Variants in DCHS2 observed in about 807,000 individuals in gnomAD.
DCHS2 encodes the protein dachsous cadherin-related 2.
In DCHS2, 142 loss-of-function variants were observed where a neutral mutation model predicts 182.4. The ratio of observed to expected loss-of-function variants is 0.78; its 90% CI spans 0.68 to 0.89. The LOEUF is 0.89. Ranked by LOEUF, DCHS2 falls within the 40% of genes least tolerant of loss-of-function variation. The pLI is 0.00. For missense variants in DCHS2, 4,319 were observed against 4,198.6 expected, an observed-to-expected ratio of 1.03 and a Z score of -0.79; for synonymous variants, 1,740 against 1,663.3, an observed-to-expected ratio of 1.05 and a Z score of -1.12.
At chr4:154,468,252 C>A (rs1001096747) in intron 1 of DCHS2, among the ~76,000 whole-genome samples, 1 of 152,060 alleles carries the variant, frequency 6.6e-6, no homozygotes, top group African/African-American at 2.4e-5. Context: ...CATCTAGATA[C>A]AAATCATAAA....
rs965652113 is a variant in DCHS2 at position 154,232,624 on chromosome 4, T to G, written c.*1912A>C. ...CTATTGTGAAAAGAAAACTTCCATATATAATTAGGAAAATATAGTATAGGG... is the reference window on the plus strand; with the variant it reads ...CTATTGTGAAAAGAAAACTTCCATAGATAATTAGGAAAATATAGTATAGGG... On this transcript the variant is annotated 3_prime_UTR_variant, in exon 20 of 20. Coordinates refer to ENST00000357232, the MANE Select transcript of DCHS2 (RefSeq NM_001358235.2). 14 of 152,136 alleles carry G rather than the reference T, an allele frequency of 9.2e-5. No individual in the cohort carries two copies. Among genetic ancestry groups the G allele is most frequent in the Admixed American group, 8.5e-4 (13 of 15,264 alleles). The allele number at this position is 152,136 out of a possible 1,614,324, so 9.4% of individuals were successfully genotyped here. A position where few individuals can be genotyped will look rare whatever the true frequency, so the allele number is the denominator to read the frequency against.
intron 12 of DCHS2, among the ~76,000 whole-genome samples, chr4:154,300,141 A>G (rs1329935344): frequency 6.6e-6 from 1 of 152,142 alleles, no homozygotes; most frequent in Non-Finnish European, 1.5e-5. Flanking sequence ...TTTGGGTGTG[A>G]CTAGTACACA....
chr4:154,327,550 C>T (rs1248405299), intron 7 of DCHS2, among the ~76,000 whole-genome samples: 1 of 152,082 alleles, frequency 6.6e-6, no homozygotes, highest in Non-Finnish European at 1.5e-5. Context: ...TTATATAAAA[C>T]ACAATGCCAA....
At position 154,402,016 on chromosome 4, in the gene DCHS2, C is replaced by G. The variant is rs921602734; in HGVS notation, c.2053-24572G>C. On this transcript the variant is annotated intron_variant, in intron 1 of 19. Coordinates refer to ENST00000357232, the MANE Select transcript of DCHS2 (RefSeq NM_001358235.2). ...CAATGGTATTCTGCTGTGTTGTCTT[C>G]TAGAAGCTTTGAAGAAACTTTTAAT... 5.3e-5 allele frequency among the ~76,000 whole-genome samples: 8 copies of G among 152,262 alleles called. No individual in the cohort carries two copies. In the South Asian group the frequency reaches 1.7e-3, roughly 32 times the overall value.
intron 3 of DCHS2, among the ~76,000 whole-genome samples, chr4:154,355,011 A>G (rs1339441889): frequency 1.3e-5 from 2 of 152,132 alleles, no homozygotes; most frequent in African/African-American, 2.4e-5. Context: ...CCTAGTTATT[A>G]TCAGTGATGA....
chr4:154,410,043 G>A (rs567409972), intron 1 of DCHS2, among the ~76,000 whole-genome samples: 13 of 152,174 alleles, frequency 8.5e-5, no homozygotes, highest in East Asian at 3.9e-4. Context: ...AAGCCACTCC[G>A]TAAAGTTTGG....
intron 13 of DCHS2, among the ~76,000 whole-genome samples, chr4:154,273,214 C>T (rs1032105571): frequency 6.6e-5 from 10 of 152,068 alleles, no homozygotes; most frequent in East Asian, 1.9e-4. Flanking sequence ...TATCAATCAT[C>T]GAGTAGATTA....
At chr4:154,314,528 A>G (rs1735781463) in intron 10 of DCHS2, among the ~76,000 whole-genome samples, 1 of 152,184 alleles carries the variant, frequency 6.6e-6, no homozygotes, top group South Asian at 2.1e-4. Context: ...GTAACATCAC[A>G]TACAAATTCA....
intron 1 of DCHS2, among the ~76,000 whole-genome samples, chr4:154,475,292 G>A (rs976589345): frequency 1.3e-5 from 2 of 152,092 alleles, no homozygotes; most frequent in African/African-American, 2.4e-5. Flanking sequence ...ATTTCAGAGT[G>A]GCTCTGGATC....
At chr4:154,417,236 A>G (rs867989340) in intron 1 of DCHS2, among the ~76,000 whole-genome samples, 4 of 143,482 alleles carry the variant, frequency 2.8e-5, no homozygotes, top group African/African-American at 1.0e-4. Context: ...AGAGAGAGAG[A>G]GAGAGAGAGA....
chr4:154,421,347 C>G (rs1348098488), intron 1 of DCHS2, among the ~76,000 whole-genome samples: 1 of 151,612 alleles, frequency 6.6e-6, no homozygotes, highest in Non-Finnish European at 1.5e-5. Context: ...AAAGTTTCCT[C>G]TCTTTATTAG....
intron 1 of DCHS2, among the ~76,000 whole-genome samples, chr4:154,459,517 A>C (rs1446840769): frequency 6.6e-6 from 1 of 152,180 alleles, no homozygotes; most frequent in Non-Finnish European, 1.5e-5. Flanking sequence ...ATGATGTGCC[A>C]GTCCTCCCTG....
At chr4:154,436,509 C>G (rs1733784748) in intron 1 of DCHS2, among the ~76,000 whole-genome samples, 1 of 152,142 alleles carries the variant, frequency 6.6e-6, no homozygotes, top group African/African-American at 2.4e-5. Context: ...CTCTCAATAT[C>G]AGAAAATGTG....
chr4:154,260,536 T>A (rs1434473328), intron 14 of DCHS2, among the ~76,000 whole-genome samples: 1 of 152,188 alleles, frequency 6.6e-6, no homozygotes, highest in Non-Finnish European at 1.5e-5. Context: ...AACCCTTCCA[T>A]GATCATAATA....
At chr4:154,239,062 G>A (rs1480738596) in intron 19 of DCHS2, 108 bp downstream of exon 19, 34 of 1,395,556 alleles carry the variant, frequency 2.4e-5, no homozygotes, top group East Asian at 4.9e-5. Flanking sequence ...AATTCCATGC[G>A]GGGTGGGGAG....
Position 154,261,375 on chromosome 4 carries a change from A to G in DCHS2, c.6578-1619T>C, listed in dbSNP as rs113595973. Among the ~76,000 whole-genome samples the G allele has an allele frequency of 3.4e-3, 524 of 152,262 alleles. 2 individuals are homozygous for G. The highest frequency in any genetic ancestry group is 6.5e-3 in the Non-Finnish European group (441 of 68,030). The stretch of plus-strand genomic sequence containing the variant: ...TGTTACTCGTGTTTGTCTGCCCCTC[A>G]TCATCACATATGGATTTAATATCTC... On this transcript the variant is annotated intron_variant, in intron 14 of 19. Transcript: ENST00000357232.
intron 3 of DCHS2, chr4:154,357,107 G>A (rs1729906328): frequency 1.2e-5 from 8 of 660,752 alleles, no homozygotes; most frequent in South Asian, 8.3e-5. Flanking sequence ...TAACATCAAC[G>A]AACCTTTGGC....
chr4:154,301,646 C>T (rs1165426617), intron 12 of DCHS2, among the ~76,000 whole-genome samples: 4 of 152,178 alleles, frequency 2.6e-5, no homozygotes. Context: ...GCTGGGATTA[C>T]AGGCATGTGC....
chr4:154,378,658 C>T (rs750111092), intron 1 of DCHS2, among the ~76,000 whole-genome samples: 7 of 152,164 alleles, frequency 4.6e-5, no homozygotes, highest in Non-Finnish European at 7.4e-5. Flanking sequence ...GTTCACTCTT[C>T]AGATCAGACA....
Sources: allele counts gnomAD v4.1 joint callset (sites outside exome capture counted in the v4.1 genomes callset), GRCh38; gene constraint gnomAD v4.1.1; transcripts MANE v1.5; gene names NCBI Gene and HGNC (gene_info 2026-07-23, HGNC 2026-07-21).